RIN2: variants seen among roughly 807,000 people sequenced by gnomAD.
The protein encoded by RIN2 is Ras and Rab interactor 2.
Under a neutral mutation model 78.0 loss-of-function variants are expected in RIN2, and 36 were observed. That is an observed-to-expected ratio of 0.46 (90% CI 0.35 to 0.61). The LOEUF is 0.61. Among genes scored for constraint, RIN2 ranks in the 20% least tolerant of loss-of-function variants. RIN2 has a pLI of 0.00. For missense variants in RIN2, 1,087 were observed against 1,159.7 expected, an observed-to-expected ratio of 0.94 and a Z score of 0.91; for synonymous variants, 466 against 466.8, an observed-to-expected ratio of 1.00 and a Z score of 0.02.
chr20:19,761,564 T>C (rs997664267), intron 1 of RIN2, among the ~76,000 whole-genome samples: 16 of 152,346 alleles, frequency 1.1e-4, no homozygotes, highest in African/African-American at 3.8e-4. Context: ...GGAATTCACC[T>C]AGGGAATTGT....
rs144477970 is a variant in RIN2 at position 19,977,013 on chromosome 20, A to G, written c.1762+1226A>G. Among the ~76,000 whole-genome samples, 609 of 152,298 alleles carry G rather than the reference A, an allele frequency of 4.0e-3. 9 individuals carry two copies. Among genetic ancestry groups the G allele is most frequent in the African/African-American group, 0.014 (585 of 41,558 alleles). Reference sequence around the variant, plus strand: ...GTTGCTGGAGTGAGTGGCTAAAGGAATGTGCCCTTGTGAGGTGCCTTCTAA... The same window carrying G: ...GTTGCTGGAGTGAGTGGCTAAAGGAGTGTGCCCTTGTGAGGTGCCTTCTAA... On this transcript the variant is annotated intron_variant, in intron 9 of 12. Coordinates refer to ENST00000255006, the MANE Select transcript of RIN2 (RefSeq NM_018993.4).
intron 4 of RIN2, among the ~76,000 whole-genome samples, chr20:19,946,057 C>T (rs543405541): frequency 6.6e-6 from 1 of 152,344 alleles, no homozygotes; most frequent in South Asian, 2.1e-4. Flanking sequence ...TAAGCTCCTC[C>T]TCTTCCGTAA....
At chr20:19,851,660 T>G (rs1003828410) in intron 2 of RIN2, among the ~76,000 whole-genome samples, 3 of 152,068 alleles carry the variant, frequency 2.0e-5, no homozygotes, top group Non-Finnish European at 4.4e-5. Flanking sequence ...AGGTCGAGAA[T>G]GCAGTGAGTT....
chr20:19,833,701 G>C (rs909977050), intron 2 of RIN2, among the ~76,000 whole-genome samples: 6 of 152,204 alleles, frequency 3.9e-5, no homozygotes, highest in African/African-American at 1.4e-4. Flanking sequence ...CTTCAAGCCT[G>C]GGCTGGTGCC....
chr20:19,832,321 T>C (rs1055493682), intron 2 of RIN2, among the ~76,000 whole-genome samples: 9 of 144,738 alleles, frequency 6.2e-5, no homozygotes, highest in Non-Finnish European at 9.0e-5. Context: ...GTCCCCAACC[T>C]TCCTTCCTCC....
intron 2 of RIN2, among the ~76,000 whole-genome samples, chr20:19,885,066 C>T (rs551045629): frequency 1.8e-4 from 27 of 152,300 alleles, no homozygotes; most frequent in African/African-American, 6.5e-4. Context: ...TAGAAAGCTT[C>T]TGTAGCCAAC....
chr20:19,950,527 C>T (rs899796812), intron 4 of RIN2, among the ~76,000 whole-genome samples: 2 of 152,184 alleles, frequency 1.3e-5, no homozygotes, highest in African/African-American at 4.8e-5. Flanking sequence ...TTTTCTTTAT[C>T]TCCCTATTTT....
At chr20:19,924,211 TTTCATACCCCCACCTTCCATACCCC>T (rs2040071732) in intron 3 of RIN2, among the ~76,000 whole-genome samples, 1 of 18,126 alleles carries the variant, frequency 5.5e-5, no homozygotes, top group African/African-American at 4.3e-4. Flanking sequence ...TACCCCCAAC[TTTCATACCCCCACCTTCCATACCCC>T]ACCTTCAAAC....
At chr20:19,954,119 C>G (rs903701810) in intron 4 of RIN2, among the ~76,000 whole-genome samples, 6 of 152,218 alleles carry the variant, frequency 3.9e-5, no homozygotes, top group African/African-American at 1.4e-4. Flanking sequence ...ATTATTGAGT[C>G]TGCACACCCA....
At chr20:19,993,224 A>G (rs12373860) in intron 11 of RIN2, among the ~76,000 whole-genome samples, 20 of 151,890 alleles carry the variant, frequency 1.3e-4, no homozygotes, top group African/African-American at 4.3e-4. Flanking sequence ...CCATTTTTAT[A>G]TATCCAGATA....
intron 3 of RIN2, among the ~76,000 whole-genome samples, chr20:19,932,088 GC>G (rs1302734769): frequency 1.3e-5 from 2 of 152,184 alleles, no homozygotes; most frequent in African/African-American, 2.4e-5. Flanking sequence ...AAATTTAATT[GC>G]CATTGTAACG....
chr20:19,975,240 G>A lies in RIN2; in HGVS notation c.1215G>A (p.Pro405=). Residue 405 remains proline (P), a synonymous_variant, in exon 9 of 13, where the codon CCG becomes CCA. Transcript: ENST00000255006. This position sits in a 1 kb window ranked among gnomAD's most constrained non-coding sequence, Gnocchi z 4.9. ...GTGGGGCCCCGCCTGAGGCCGCCCC[G>A]GGGGATTGCACAAGGGCCCCGCCGC... ...SPGGAPPEAA[P]GDCTRAPPPS... is the part of the protein sequence containing the mutation. 6.3e-7 allele frequency: 1 copy of A among 1,583,332 alleles called. No homozygotes were observed. Among genetic ancestry groups the A allele is most frequent in the Non-Finnish European group, 8.6e-7 (1 of 1,165,020 alleles).
intron 2 of RIN2, among the ~76,000 whole-genome samples, chr20:19,860,766 G>C (rs978642291): frequency 3.9e-5 from 6 of 152,084 alleles, no homozygotes; most frequent in African/African-American, 7.2e-5. Context: ...GTCTTTTAAT[G>C]GTTTCTTATT....
intron 4 of RIN2, among the ~76,000 whole-genome samples, chr20:19,935,922 T>G (rs2040620892): frequency 1.3e-5 from 2 of 152,216 alleles, no homozygotes; most frequent in Non-Finnish European, 2.9e-5. Flanking sequence ...AGGCCAGATT[T>G]GTTAACAGCT....
chr20:19,940,931 GCAGGATCC>G (rs1312166658), intron 4 of RIN2, among the ~76,000 whole-genome samples: 1 of 152,218 alleles, frequency 6.6e-6, no homozygotes, highest in Non-Finnish European at 1.5e-5. Context: ...GGCTGCCTCT[GCAGGATCC>G]CTGGCATCCT....
At chr20:19,972,060 C>T (rs952646096) in intron 8 of RIN2, among the ~76,000 whole-genome samples, 4 of 152,046 alleles carry the variant, frequency 2.6e-5, no homozygotes, top group African/African-American at 9.7e-5. Context: ...TAGATTGTAT[C>T]TGTAGAAGGA....
chr20:19,824,812 C>A (rs1415007307), intron 2 of RIN2, among the ~76,000 whole-genome samples: 2 of 152,138 alleles, frequency 1.3e-5, no homozygotes, highest in Non-Finnish European at 2.9e-5. Context: ...TAGGTCCCGC[C>A]GATGATCATT....
intron 5 of RIN2, 69 bp downstream of exon 5, chr20:19,956,876 T>C: frequency 7.5e-7 from 1 of 1,340,362 alleles, no homozygotes; most frequent in Non-Finnish European, 9.9e-7. Context: ...GAAAAACACT[T>C]GGAGTTAGTT....
At chr20:19,965,891 T>C (rs1024298928) in intron 7 of RIN2, among the ~76,000 whole-genome samples, 3 of 152,154 alleles carry the variant, frequency 2.0e-5, no homozygotes, top group Non-Finnish European at 4.4e-5. Flanking sequence ...GGATCACAGG[T>C]GTGAGCCACC....
Sources: allele counts gnomAD v4.1 joint callset (sites outside exome capture counted in the v4.1 genomes callset), GRCh38; gene constraint gnomAD v4.1.1; non-coding constraint Gnocchi (gnomAD v3.1); transcripts MANE v1.5; gene names NCBI Gene and HGNC (gene_info 2026-07-23, HGNC 2026-07-21).